The following IGSF11 variants were observed in gnomAD, a reference collection of about 807,000 sequenced individuals.
IGSF11 encodes the protein immunoglobulin superfamily member 11.
IGSF11 carries 22 observed loss-of-function variants against 41.0 expected under a neutral mutation model. The observed-to-expected ratio is 0.54, with a 90% CI of 0.38 to 0.77. The LOEUF (loss-of-function observed/expected upper bound fraction) is 0.77. IGSF11 is among the 30% of genes least tolerant of loss of function. The pLI is 0.00. For missense variants in IGSF11, 444 were observed against 530.8 expected, an observed-to-expected ratio of 0.84 and a Z score of 1.61; for synonymous variants, 219 against 201.3, an observed-to-expected ratio of 1.09 and a Z score of -0.74.
chr3:118,954,516 G>A (rs974072623), intron 1 of IGSF11, among the ~76,000 whole-genome samples: 3 of 152,042 alleles, frequency 2.0e-5, no homozygotes, highest in Non-Finnish European at 4.4e-5. Flanking sequence ...ACAAATTTCT[G>A]TTAATGCTAA....
Position 119,137,181 on chromosome 3 carries a change from T to C in IGSF11, c.-14+8632A>G, listed in dbSNP as rs1456218395. Among the ~76,000 whole-genome samples the C allele has an allele frequency of 3.3e-5, 5 of 151,648 alleles. No individual in the cohort carries two copies. The East Asian group carries it at 9.6e-4, about 29-fold the overall frequency. ...ATCTATAGATGTAATGCAATCCCTATCAAAATACCAATTATATTCTTCACA... is the reference window on the plus strand; with the variant it reads ...ATCTATAGATGTAATGCAATCCCTACCAAAATACCAATTATATTCTTCACA... On this transcript the variant is annotated intron_variant, in intron 1 of 7. Transcript: ENST00000425327.
At chr3:118,987,831 A>G (rs1428842636) in intron 1 of IGSF11, among the ~76,000 whole-genome samples, 1 of 152,254 alleles carries the variant, frequency 6.6e-6, no homozygotes, top group Non-Finnish European at 1.5e-5. Flanking sequence ...TCAACAAGCT[A>G]ATAATCAATA....
intron 1 of IGSF11, among the ~76,000 whole-genome samples, chr3:119,094,952 G>A (rs545556897): frequency 7.2e-5 from 11 of 152,102 alleles, no homozygotes; most frequent in South Asian, 6.3e-4. Flanking sequence ...GATTACAGAC[G>A]TGAGCCACCG....
In IGSF11 at chr3:118,908,613, G is replaced by A. The variant is rs140028341; in HGVS notation, c.581-2895C>T. ...ATTTTTTAGCTTCTTTTAAAGAATA[G>A]GGAAAGTTCAATGGCATGAAACTAC... On this transcript the variant is annotated intron_variant, in intron 4 of 6. Coordinates refer to ENST00000393775, the MANE Select transcript of IGSF11 (RefSeq NM_001015887.3). Among the ~76,000 whole-genome samples, 102 of 152,294 alleles carry A rather than the reference G, an allele frequency of 6.7e-4. 1 individual carries two copies. The highest frequency in any genetic ancestry group is 2.3e-3 in the African/African-American group (96 of 41,576).
chr3:118,932,295 T>C (rs193263782), intron 1 of IGSF11, among the ~76,000 whole-genome samples: 50 of 152,320 alleles, frequency 3.3e-4, no homozygotes, highest in Middle Eastern at 3.4e-3. Flanking sequence ...TATGACAGTA[T>C]CTCAAACTGT....
At chr3:119,011,274 A>C (rs1938082436) in intron 1 of IGSF11, among the ~76,000 whole-genome samples, 1 of 152,082 alleles carries the variant, frequency 6.6e-6, no homozygotes, top group Admixed American at 6.5e-5. Context: ...TAAAACATCT[A>C]AATGGCCTGT....
chr3:119,045,483 C>T lies in IGSF11; in HGVS notation c.49+59661G>A, dbSNP rs542625718. On this transcript the variant is annotated intron_variant, in intron 1 of 6. Coordinates refer to the IGSF11 transcript ENST00000354673. Reference sequence around the variant, plus strand: ...ATGAGATTATATCCCGCACATGGCTCGGAGGGTCCTACTCCACGGAGTCTC... The same window carrying T: ...ATGAGATTATATCCCGCACATGGCTTGGAGGGTCCTACTCCACGGAGTCTC... 1.3e-3 allele frequency among the ~76,000 whole-genome samples: 205 copies of T among 152,330 alleles called. 8 individuals carry two copies. The South Asian group carries it at 0.041, about 30-fold the overall frequency.
chr3:119,133,446 A>G (rs539387761), intron 1 of IGSF11, among the ~76,000 whole-genome samples: 97 of 152,350 alleles, frequency 6.4e-4, no homozygotes, highest in Non-Finnish European at 1.2e-3. Flanking sequence ...AAACACCTCT[A>G]TGCAAATAAA....
At chr3:119,057,653 C>T (rs1407263963) in intron 1 of IGSF11, among the ~76,000 whole-genome samples, 2 of 152,196 alleles carry the variant, frequency 1.3e-5, no homozygotes, top group African/African-American at 2.4e-5. Context: ...AAAAAAGAAC[C>T]CGCATTGACA....
At chr3:118,917,710 C>G (rs1257490510) in intron 4 of IGSF11, among the ~76,000 whole-genome samples, 1 of 143,708 alleles carries the variant, frequency 7.0e-6, no homozygotes, top group African/African-American at 2.6e-5. Flanking sequence ...CCTTCTGAAA[C>G]TATTCCAATC....
rs548995492 is a variant in IGSF11 at position 119,093,818 on chromosome 3, C to T, written c.49+11326G>A. Among the ~76,000 whole-genome samples the T allele has an allele frequency of 2.6e-5, 4 of 152,260 alleles. No homozygotes were observed. The South Asian group carries it at 8.3e-4, about 32-fold the overall frequency. ...CTCTGACTCTTGTACCCAACTCATA[C>T]TGTGGCACAGATAGTAGACCCAAAA... On this transcript the variant is annotated intron_variant, in intron 1 of 6. Coordinates refer to the IGSF11 transcript ENST00000354673.
chr3:119,112,054 C>T (rs1461362957), intron 1 of IGSF11, among the ~76,000 whole-genome samples: 1 of 152,206 alleles, frequency 6.6e-6, no homozygotes, highest in Non-Finnish European at 1.5e-5. Flanking sequence ...CTGGGACCCA[C>T]TTGAGGAGGC....
chr3:118,975,062 G>C (rs1933916985), intron 1 of IGSF11, among the ~76,000 whole-genome samples: 1 of 152,044 alleles, frequency 6.6e-6, no homozygotes, highest in Non-Finnish European at 1.5e-5. Context: ...CCAATATACA[G>C]TGCAAGCCTC....
intron 1 of IGSF11, among the ~76,000 whole-genome samples, chr3:119,074,850 T>C (rs1479054252): frequency 6.6e-6 from 1 of 151,604 alleles, no homozygotes; most frequent in African/African-American, 2.4e-5. Flanking sequence ...AGACTCCGTC[T>C]CAAAAAAATA....
intron 1 of IGSF11, among the ~76,000 whole-genome samples, chr3:119,140,925 T>G (rs1165290045): frequency 1.3e-5 from 2 of 150,630 alleles, no homozygotes; most frequent in Non-Finnish European, 2.9e-5. Flanking sequence ...ATGCCTGTAA[T>G]TCCAGCTACT....
chr3:118,982,391 T>C (rs1020924451), intron 1 of IGSF11, among the ~76,000 whole-genome samples: 1 of 152,174 alleles, frequency 6.6e-6, no homozygotes, highest in African/African-American at 2.4e-5. Context: ...TTCTCCTCCA[T>C]ACCCTTTGAT....
At chr3:119,051,353 A>G (rs567780233) in intron 1 of IGSF11, among the ~76,000 whole-genome samples, 138 of 152,124 alleles carry the variant, frequency 9.1e-4, no homozygotes, top group African/African-American at 3.1e-3. Context: ...AACAGACTTT[A>G]AAGCAACAAC....
intron 1 of IGSF11, among the ~76,000 whole-genome samples, chr3:119,110,486 C>T (rs143272137): frequency 0.013 from 1,934 of 152,254 alleles, 31 homozygotes; most frequent in African/African-American, 0.045. Flanking sequence ...ATGTGTGTCT[C>T]TGCACGTGAG....
chr3:119,046,977 A>G (rs1405682022), intron 1 of IGSF11, among the ~76,000 whole-genome samples: 2 of 144,394 alleles, frequency 1.4e-5, no homozygotes, highest in African/African-American at 2.5e-5. Context: ...GGCCTGCCCT[A>G]AAAGAGCTCC....
Sources: gnomAD v4.1 joint callset for allele counts (sites outside exome capture counted in the v4.1 genomes callset) on GRCh38, gnomAD v4.1.1 for gene constraint, MANE v1.5 for transcripts, NCBI Gene and HGNC (gene_info 2026-07-23, HGNC 2026-07-21) for gene names.